Variants in MYO9A observed in about 807,000 individuals in gnomAD.
MYO9A encodes myosin IXA, also known as unconventional myosin-IXa.
In MYO9A, 103 loss-of-function variants were observed where a neutral mutation model predicts 293.3. That is an observed-to-expected ratio of 0.35 (90% CI 0.30 to 0.41). MYO9A has a LOEUF of 0.41. MYO9A is among the 10% of genes least tolerant of loss of function. MYO9A has a pLI of 1.00. For missense variants in MYO9A, 2,685 were observed against 3,033.0 expected, an observed-to-expected ratio of 0.89 and a Z score of 2.69; for synonymous variants, 1,001 against 1,035.7, an observed-to-expected ratio of 0.97 and a Z score of 0.64.
intron 32 of MYO9A, among the ~76,000 whole-genome samples, chr15:71,866,158 T>A (rs1364825384): frequency 1.3e-5 from 2 of 152,188 alleles, no homozygotes; most frequent in African/African-American, 2.4e-5. Context: ...AGGAAAATGA[T>A]GTTTTATTAT....
chr15:72,071,236 G>A (rs2079180325), intron 1 of MYO9A, among the ~76,000 whole-genome samples: 1 of 152,066 alleles, frequency 6.6e-6, no homozygotes, highest in African/African-American at 2.4e-5. Context: ...GGTGGGCAAA[G>A]GACAGGAACG....
At chr15:72,021,697 C>G (rs1289431516) in intron 4 of MYO9A, among the ~76,000 whole-genome samples, 2 of 152,074 alleles carry the variant, frequency 1.3e-5, no homozygotes, top group Non-Finnish European at 2.9e-5. Context: ...AGCAGTGGAT[C>G]AAAGTTGGGG....
intron 1 of MYO9A, among the ~76,000 whole-genome samples, chr15:72,053,047 T>C (rs2078614386): frequency 6.6e-6 from 1 of 152,182 alleles, no homozygotes; most frequent in African/African-American, 2.4e-5. Context: ...AAACTTTTAC[T>C]ATATGCTCCT....
At chr15:71,956,359 C>T (rs1160502139) in intron 14 of MYO9A, among the ~76,000 whole-genome samples, 1 of 72,818 alleles carries the variant, frequency 1.4e-5, no homozygotes, top group Non-Finnish European at 3.1e-5. Context: ...ATAAAATACG[C>T]CCAGCGTGGT....
At chr15:71,967,166 T>C (rs2075898878) in intron 13 of MYO9A, among the ~76,000 whole-genome samples, 1 of 152,198 alleles carries the variant, frequency 6.6e-6, no homozygotes, top group African/African-American at 2.4e-5. Context: ...ATAGGACCCA[T>C]TAACTTATTT....
rs1282292017 is a variant in MYO9A at position 71,893,445 on chromosome 15, C to A, written c.5142+234G>T. 5 of 546,656 alleles carry A rather than the reference C, an allele frequency of 9.1e-6. No individual in the cohort carries two copies. The Admixed American group carries it at 9.9e-5, about 11-fold the overall frequency. 33.9% of individuals were successfully genotyped at this position (546,656 alleles called of 1,614,324 possible). The stretch of plus-strand genomic sequence containing the variant: ...ATCTTTCACTGCCATAGTAAGTCAA[C>A]AAAGTCTCTTGCACAAATTGCCTTC... On this transcript the variant is annotated intron_variant, in intron 26 of 41. Transcript: ENST00000356056.
intron 9 of MYO9A, among the ~76,000 whole-genome samples, chr15:71,999,518 C>A (rs2076804433): frequency 6.6e-6 from 1 of 152,004 alleles, no homozygotes; most frequent in African/African-American, 2.4e-5. Flanking sequence ...CTAGAAGAAA[C>A]TGTCTCAAGA....
At chr15:71,961,356 AGAAAG>A (rs1411359877) in intron 13 of MYO9A, among the ~76,000 whole-genome samples, 1 of 152,210 alleles carries the variant, frequency 6.6e-6, no homozygotes, top group Non-Finnish European at 1.5e-5. Flanking sequence ...AGAAGACTAG[AGAAAG>A]GAAAGTTATG....
chr15:72,101,117 G>A (rs1258290381), intron 1 of MYO9A, among the ~76,000 whole-genome samples: 3 of 140,892 alleles, frequency 2.1e-5, no homozygotes, highest in Admixed American at 6.9e-5. Flanking sequence ...GAGGGAGGTC[G>A]GGGCATCAGC....
chr15:71,905,833 C>T (rs1291003364), intron 19 of MYO9A, among the ~76,000 whole-genome samples: 4 of 142,474 alleles, frequency 2.8e-5, no homozygotes, highest in Non-Finnish European at 6.1e-5. Flanking sequence ...AGTGTTTTGT[C>T]TATTTTTCTG....
intron 1 of MYO9A, among the ~76,000 whole-genome samples, chr15:72,072,506 AG>A (rs1328069554): frequency 3.9e-5 from 6 of 152,208 alleles, no homozygotes; most frequent in Non-Finnish European, 8.8e-5. Flanking sequence ...CATCAATGTA[AG>A]TGCCCATCAA....
At chr15:72,019,916 A>C (rs1231736138) in intron 5 of MYO9A, among the ~76,000 whole-genome samples, 1 of 151,868 alleles carries the variant, frequency 6.6e-6, no homozygotes, top group African/African-American at 2.4e-5. Flanking sequence ...CACCTAGCTA[A>C]TTTTTTTGTG....
intron 19 of MYO9A, among the ~76,000 whole-genome samples, chr15:71,907,049 C>A (rs35021156): frequency 0.2 from 29,677 of 147,680 alleles, 3,253 homozygotes; most frequent in East Asian, 0.41. Context: ...CCCACTAACT[C>A]GTCATCTAGC....
At chr15:72,025,380 A>G (rs2077632835) in intron 4 of MYO9A, among the ~76,000 whole-genome samples, 1 of 152,030 alleles carries the variant, frequency 6.6e-6, no homozygotes, top group Non-Finnish European at 1.5e-5. Context: ...TTTTTTTTTG[A>G]GATGGAGTTT....
intron 1 of MYO9A, among the ~76,000 whole-genome samples, chr15:72,066,145 G>C (rs1351765230): frequency 1.3e-5 from 2 of 152,188 alleles, no homozygotes; most frequent in African/African-American, 2.4e-5. Context: ...CCTTAACCAA[G>C]AAACAAATAC....
In MYO9A at chr15:71,938,849, T is replaced by C; in HGVS notation, c.2378+3A>G. 6.2e-7 allele frequency: 1 copy of C among 1,601,696 alleles called. No individual in the cohort carries two copies. Among genetic ancestry groups the C allele is most frequent in the East Asian group, 2.2e-5 (1 of 44,598 alleles). On this transcript the variant is annotated splice_donor_region_variant and intron_variant, in intron 16 of 41. Transcript: ENST00000356056. The stretch of plus-strand genomic sequence containing the variant: ...CTTGAAAACATAAACCAAACACACT[T>C]ACTGTTGGTTTTTTTCATTTAGAGC...
At chr15:71,954,848 C>A (rs2059141719) in intron 14 of MYO9A, among the ~76,000 whole-genome samples, 1 of 152,172 alleles carries the variant, frequency 6.6e-6, no homozygotes, top group African/African-American at 2.4e-5. Context: ...ATCATTCAGA[C>A]CTTAGGCAAT....
At chr15:72,049,120 A>AG (rs2078478624) in intron 1 of MYO9A, among the ~76,000 whole-genome samples, 1 of 152,176 alleles carries the variant, frequency 6.6e-6, no homozygotes, top group Non-Finnish European at 1.5e-5. Context: ...TAGCTTTACA[A>AG]GTGCACTTTT....
intron 3 of MYO9A, among the ~76,000 whole-genome samples, chr15:72,028,640 T>G (rs2077760782): frequency 6.6e-6 from 1 of 150,690 alleles, no homozygotes; most frequent in Admixed American, 6.6e-5. Flanking sequence ...AGAGCAAAAC[T>G]TCGTCTCAAA....
Sources: gnomAD v4.1 joint callset for allele counts (sites outside exome capture counted in the v4.1 genomes callset) on GRCh38, gnomAD v4.1.1 for gene constraint, MANE v1.5 for transcripts, NCBI Gene and HGNC (gene_info 2026-07-23, HGNC 2026-07-21) for gene names.